Variants in TCAF1 observed in about 807,000 individuals in gnomAD.
The protein encoded by TCAF1 is TRPM8 channel associated factor 1, also known as TRPM8 channel-associated factor 1.
A neutral mutation model predicts 27.3 loss-of-function variants in TCAF1; 4 were observed. The ratio of observed to expected loss-of-function variants is 0.15; its 90% CI spans 0.07 to 0.34. The LOEUF is 0.34. TCAF1 is among the 10% of genes least tolerant of loss of function. TCAF1 has a pLI of 1.00. For synonymous variants in TCAF1, 105 were observed against 167.1 expected, an observed-to-expected ratio of 0.63 and a Z score of 2.87; for missense variants, 257 against 425.8, an observed-to-expected ratio of 0.60 and a Z score of 3.49.
At chr7:143,895,082 G>A (rs1813810392) in intron 1 of TCAF1, among the ~76,000 whole-genome samples, 1 of 151,752 alleles carries the variant, frequency 6.6e-6, no homozygotes, top group Non-Finnish European at 1.5e-5. Flanking sequence ...ATATCAAATT[G>A]TGATGAGGAT....
intron 1 of TCAF1, among the ~76,000 whole-genome samples, chr7:143,890,953 G>A (rs1160952526): frequency 1.3e-5 from 2 of 152,170 alleles, no homozygotes; most frequent in Non-Finnish European, 2.9e-5. Flanking sequence ...GAAAAGCAAT[G>A]GAGTTTATGC....
intron 1 of TCAF1, among the ~76,000 whole-genome samples, chr7:143,890,616 A>G (rs1283284041): frequency 6.6e-6 from 1 of 152,222 alleles, no homozygotes; most frequent in Non-Finnish European, 1.5e-5. Flanking sequence ...TGATGAACAG[A>G]AAACACAGGA....
intron 1 of TCAF1, among the ~76,000 whole-genome samples, chr7:143,901,191 A>G (rs533990809): frequency 7.2e-5 from 11 of 152,338 alleles, no homozygotes; most frequent in African/African-American, 2.4e-4. Flanking sequence ...ATTTTAAAAC[A>G]AAGTATTGAA....
intron 1 of TCAF1, among the ~76,000 whole-genome samples, chr7:143,878,395 T>C (rs1447917480): frequency 6.6e-6 from 1 of 152,206 alleles, no homozygotes; most frequent in East Asian, 1.9e-4. Flanking sequence ...ATTACATTCA[T>C]TTCTCATATA....
At chr7:143,885,512 C>T (rs1333474490) in intron 1 of TCAF1, 6 of 985,282 alleles carry the variant, frequency 6.1e-6, no homozygotes, top group East Asian at 1.1e-4. Context: ...GAGACCCAGA[C>T]GCCCGCCCTC....
At chr7:143,876,702 T>C in intron 1 of TCAF1, 80 bp from the exon 2 acceptor site, 1 of 1,137,288 alleles carries the variant, frequency 8.8e-7, no homozygotes, top group East Asian at 2.6e-5. Flanking sequence ...ACTCTTCCAG[T>C]AGCTGGGCTA....
At chr7:143,875,928 A>G in intron 2 of TCAF1, 61 bp downstream of exon 2, 1 of 1,466,636 alleles carries the variant, frequency 6.8e-7, no homozygotes, top group Non-Finnish European at 9.2e-7. Flanking sequence ...CAACCTGAAG[A>G]TAAGAACTGG....
Position 143,876,515 on chromosome 7 carries a change from T to A in TCAF1, c.94A>T (p.Ile32Phe). The change falls in exon 2 of 9, where the codon ATT becomes TTT. Residue 32 changes from isoleucine (I) to phenylalanine (F), a missense_variant. Transcript: ENST00000479870. Reference sequence around the variant, plus strand: ...ATCACAGGAAATGAAGCCTCTCCAATAAGAAGCAGTTCACATGGAACAGCA... The same window carrying A: ...ATCACAGGAAATGAAGCCTCTCCAAAAAGAAGCAGTTCACATGGAACAGCA... The part of the protein sequence containing the change: ...EDAVPCELLL[I>F]GEASFPVMVN... 1 of 1,575,170 alleles carries A rather than the reference T, an allele frequency of 6.3e-7. No individual in the cohort carries two copies. Among genetic ancestry groups the A allele is most frequent in the Non-Finnish European group, 8.6e-7 (1 of 1,164,492 alleles).
chr7:143,899,917 T>TA (rs1285519916), intron 1 of TCAF1, among the ~76,000 whole-genome samples: 1 of 152,192 alleles, frequency 6.6e-6, no homozygotes, highest in Non-Finnish European at 1.5e-5. Flanking sequence ...AAATGCTAGT[T>TA]AAAATCACAG....
intron 1 of TCAF1, among the ~76,000 whole-genome samples, chr7:143,898,920 G>A (rs765330270): frequency 6.6e-6 from 1 of 152,046 alleles, no homozygotes; most frequent in African/African-American, 2.4e-5. Context: ...TATAAAAGGC[G>A]GCATTCACCC....
intron 1 of TCAF1, chr7:143,883,028 T>A: frequency 4.7e-6 from 1 of 214,322 alleles, no homozygotes; most frequent in Non-Finnish European, 8.0e-6. Context: ...TAGGGACGCC[T>A]GGAGACCCCA....
intron 1 of TCAF1, among the ~76,000 whole-genome samples, chr7:143,887,485 T>G (rs977041893): frequency 6.6e-6 from 1 of 152,234 alleles, no homozygotes; most frequent in African/African-American, 2.4e-5. Context: ...ACACTTTGGA[T>G]TTTGAAAATG....
At chr7:143,883,705 A>C (rs1369086550) in intron 1 of TCAF1, among the ~76,000 whole-genome samples, 1 of 151,974 alleles carries the variant, frequency 6.6e-6, no homozygotes, top group Non-Finnish European at 1.5e-5. Context: ...GGATTTCACC[A>C]TGTTGGCCAG....
intron 1 of TCAF1, among the ~76,000 whole-genome samples, chr7:143,896,803 A>G (rs182965457): frequency 1.3e-5 from 2 of 152,118 alleles, no homozygotes; most frequent in African/African-American, 4.8e-5. Flanking sequence ...AAGTAGTGAT[A>G]GAAATGTATA....
At chr7:143,882,240 AG>A in intron 1 of TCAF1, 1 of 227,250 alleles carries the variant, frequency 4.4e-6, no homozygotes, top group Non-Finnish European at 7.1e-6. Flanking sequence ...TCAAGTCTCC[AG>A]GGGCCAGTGC....
intron 1 of TCAF1, among the ~76,000 whole-genome samples, chr7:143,877,854 T>G (rs1424450212): frequency 6.6e-6 from 1 of 152,234 alleles, no homozygotes; most frequent in South Asian, 2.1e-4. Context: ...CTTTCTGTCC[T>G]TTTCTGACCT....
In TCAF1 at chr7:143,876,320, A is replaced by G; in HGVS notation, c.289T>C (p.Ser97Pro). Residue 97 changes from serine to proline, a missense_variant, in exon 2 of 9, where the codon TCC (serine) becomes CCC (proline). Around this residue, in one of 2 missense-constraint regions of TCAF1, gnomAD observed 255 missense variants for 260.1 expected, o/e 0.98. Transcript: ENST00000479870. ...SPGAPIGVHP[S>P]LAPLAKILEG... is the part of the protein sequence containing the mutation. ...AGGATTTTGGCCAAAGGTGCCAGGG[A>G]TGGGTGTACACCAATGGGAGCCCCA... 1 of 1,614,180 alleles carries G rather than the reference A, an allele frequency of 6.2e-7. No homozygotes were observed. Among genetic ancestry groups the G allele is most frequent in the Non-Finnish European group, 8.5e-7 (1 of 1,180,026 alleles).
In TCAF1 at chr7:143,880,637, C is replaced by T. The variant is rs573675134; in HGVS notation, c.-14-4015G>A. 2.0e-5 allele frequency among the ~76,000 whole-genome samples: 3 copies of T among 152,308 alleles called. No homozygotes were observed. In the South Asian group the frequency reaches 6.2e-4, roughly 32 times the overall value. On this transcript the variant is annotated intron_variant, in intron 1 of 8. Coordinates refer to ENST00000479870, the MANE Select transcript of TCAF1 (RefSeq NM_014719.3). ...ATTAAAAGATTAGGTACAGTTTTTA[C>T]ATGATGAGGTAGACTGATCAACTGA...
intron 1 of TCAF1, among the ~76,000 whole-genome samples, chr7:143,877,201 C>G (rs1218459488): frequency 6.6e-6 from 1 of 152,174 alleles, no homozygotes; most frequent in African/African-American, 2.4e-5. Flanking sequence ...GACACCTGGA[C>G]TTCAAACTTC....
Sources: allele counts gnomAD v4.1 joint callset (sites outside exome capture counted in the v4.1 genomes callset), GRCh38; gene constraint gnomAD v4.1.1; regional missense constraint gnomAD v4.1.1; transcripts MANE v1.5; gene names NCBI Gene and HGNC (gene_info 2026-07-23, HGNC 2026-07-21).